The following NCAM1 variants were observed in gnomAD, a reference collection of about 807,000 sequenced individuals.
The protein encoded by NCAM1 is neural cell adhesion molecule 1.
A neutral mutation model predicts 109.8 loss-of-function variants in NCAM1; 14 were observed. The ratio of observed to expected loss-of-function variants is 0.13; its 90% CI spans 0.08 to 0.20. NCAM1 has a LOEUF of 0.20. Ranked by LOEUF, NCAM1 falls within the 10% of genes least tolerant of loss-of-function variation. NCAM1 has a pLI of 1.00. For synonymous variants in NCAM1, 418 were observed against 442.9 expected, an observed-to-expected ratio of 0.94 and a Z score of 0.70; for missense variants, 774 against 1,109.9, an observed-to-expected ratio of 0.70 and a Z score of 4.30.
chr11:113,214,262 C>A, intron 7 of NCAM1, 107 bp from the exon 8 acceptor site: 1 of 1,211,466 alleles, frequency 8.3e-7, no homozygotes, highest in Non-Finnish European at 1.2e-6. Flanking sequence ...AGACTAGGGT[C>A]TTGTACTTAG....
rs12285063 is a variant in NCAM1, at chr11:113,150,975, G to A, written c.53-51404G>A. On this transcript the variant is annotated intron_variant, in intron 1 of 19. Coordinates refer to ENST00000316851, the MANE Select transcript of NCAM1 (RefSeq NM_181351.5). The stretch of plus-strand genomic sequence containing the variant: ...TGGTCAGTTAAAGTGTGAAGACCTC[G>A]AATGCCTGGCTAATTTATGTGACCT... Among the ~76,000 whole-genome samples, 1,481 of 152,256 alleles carry A rather than the reference G, an allele frequency of 9.7e-3. 19 individuals are homozygous for A. The highest frequency in any genetic ancestry group is 0.034 in the African/African-American group (1,393 of 41,548).
intron 1 of NCAM1, among the ~76,000 whole-genome samples, chr11:113,149,394 A>G (rs1565464407): frequency 6.6e-6 from 1 of 152,190 alleles, no homozygotes; most frequent in African/African-American, 2.4e-5. Flanking sequence ...CCACTGGGAA[A>G]CCATTATAAT....
In NCAM1 at chr11:113,278,300, A is replaced by ACTT. The variant is rs1946446994; in HGVS notation, c.*2914_*2916dup. ...CGGGGGCCTTCTCTCTTGTTATAAAACTTTTTACCAAGTGAAACATCGATA... is the reference window on the plus strand; with the variant it reads ...CGGGGGCCTTCTCTCTTGTTATAAAACTTCTTTTTACCAAGTGAAACATCGATA... On this transcript the variant is annotated 3_prime_UTR_variant, in exon 20 of 20. Transcript: ENST00000316851. 1 of 152,162 alleles carries ACTT rather than the reference A, an allele frequency of 6.6e-6. No individual in the cohort carries two copies. The highest frequency in any genetic ancestry group is 1.5e-5 in the Non-Finnish European group (1 of 68,042). 9.4% of individuals were successfully genotyped at this position (152,162 alleles called of 1,614,324 possible). A position where few individuals can be genotyped will look rare whatever the true frequency, so the allele number is the denominator to read the frequency against.
chr11:113,183,634 C>G (rs1273849899), intron 1 of NCAM1, among the ~76,000 whole-genome samples: 1 of 152,082 alleles, frequency 6.6e-6, no homozygotes, highest in Non-Finnish European at 1.5e-5. Flanking sequence ...TGAGGCATCT[C>G]GAAAATATTG....
intron 1 of NCAM1, among the ~76,000 whole-genome samples, chr11:113,114,996 A>G (rs928745546): frequency 1.3e-5 from 2 of 152,230 alleles, no homozygotes; most frequent in Non-Finnish European, 1.5e-5. Flanking sequence ...AGGAAATTCA[A>G]AAATTCAGAA....
intron 1 of NCAM1, among the ~76,000 whole-genome samples, chr11:113,110,220 C>T (rs1940384364): frequency 6.6e-6 from 1 of 152,116 alleles, no homozygotes. Context: ...TTAATCAAAA[C>T]ATTTGGGAGC....
intron 1 of NCAM1, among the ~76,000 whole-genome samples, chr11:113,185,894 C>T (rs782203272): frequency 1.3e-5 from 2 of 152,146 alleles, no homozygotes; most frequent in Non-Finnish European, 2.9e-5. Context: ...GATTTTCAGG[C>T]TGTAGCAAGG....
chr11:113,240,551 T>A, intron 14 of NCAM1: 1 of 542,072 alleles, frequency 1.8e-6, no homozygotes, highest in Non-Finnish European at 3.2e-6. Flanking sequence ...TGGCCCAGAC[T>A]TTACCTGAAC....
chr11:113,226,456 G>A (rs1297809112), intron 9 of NCAM1, among the ~76,000 whole-genome samples: 3 of 152,096 alleles, frequency 2.0e-5, no homozygotes, highest in Non-Finnish European at 4.4e-5. Context: ...CTACGAAGAG[G>A]CTTAGACTCC....
At chr11:113,262,793 T>G in intron 17 of NCAM1, 1 of 1,597,084 alleles carries the variant, frequency 6.3e-7, no homozygotes, top group East Asian at 2.2e-5. Flanking sequence ...ACTGCCACAT[T>G]TGTTTTTAAA....
chr11:113,120,784 A>C (rs1255565863), intron 1 of NCAM1, among the ~76,000 whole-genome samples: 1 of 152,222 alleles, frequency 6.6e-6, no homozygotes, highest in Non-Finnish European at 1.5e-5. Context: ...AAACTCGAAG[A>C]AAATGCCAGA....
chr11:113,222,465 G>T (rs1944715961), intron 9 of NCAM1, among the ~76,000 whole-genome samples: 1 of 152,200 alleles, frequency 6.6e-6, no homozygotes, highest in South Asian at 2.1e-4. Context: ...AACTTCCTGT[G>T]TATAAGACTG....
At chr11:113,095,537 G>T (rs1226169992) in intron 1 of NCAM1, among the ~76,000 whole-genome samples, 1 of 152,228 alleles carries the variant, frequency 6.6e-6, no homozygotes, top group Non-Finnish European at 1.5e-5. Flanking sequence ...CCTCCCAGGG[G>T]TCCTGAAACA....
chr11:112,994,106 A>C (rs187619230), intron 1 of NCAM1, among the ~76,000 whole-genome samples: 1 of 152,374 alleles, frequency 6.6e-6, no homozygotes, highest in Non-Finnish European at 1.5e-5. Context: ...GCTTTGAGCA[A>C]AATTTCAAGT....
At chr11:113,144,773 A>C (rs538117257) in intron 1 of NCAM1, among the ~76,000 whole-genome samples, 1 of 152,358 alleles carries the variant, frequency 6.6e-6, no homozygotes, top group Non-Finnish European at 1.5e-5. Context: ...AATACAGTAC[A>C]TGTGTCAAAG....
chr11:113,100,762 G>A (rs895941812), intron 1 of NCAM1, among the ~76,000 whole-genome samples: 4 of 152,130 alleles, frequency 2.6e-5, no homozygotes, highest in African/African-American at 9.7e-5. Flanking sequence ...GGCCAGGGTG[G>A]TTTTGGAAAA....
intron 1 of NCAM1, among the ~76,000 whole-genome samples, chr11:113,165,676 G>A (rs1331793018): frequency 1.3e-5 from 2 of 152,058 alleles, no homozygotes; most frequent in African/African-American, 2.4e-5. Flanking sequence ...GAAACCTCTG[G>A]TTTCTCTGGT....
chr11:112,983,355 A>G (rs1951205045), intron 1 of NCAM1, among the ~76,000 whole-genome samples: 1 of 151,976 alleles, frequency 6.6e-6, no homozygotes, highest in South Asian at 2.1e-4. Context: ...GGAGAATTGT[A>G]AATAAATCCA....
intron 1 of NCAM1, among the ~76,000 whole-genome samples, chr11:113,096,483 C>T (rs1018168904): frequency 1.5e-4 from 23 of 151,928 alleles, no homozygotes; most frequent in African/African-American, 4.1e-4. Context: ...CAGGTTAATG[C>T]GGACAGTGGG....
Sources: allele counts gnomAD v4.1 joint callset (sites outside exome capture counted in the v4.1 genomes callset), GRCh38; gene constraint gnomAD v4.1.1; transcripts MANE v1.5; gene names NCBI Gene and HGNC (gene_info 2026-07-23, HGNC 2026-07-21).